VAV2: variants seen among roughly 807,000 people sequenced by gnomAD.
VAV2 encodes guanine nucleotide exchange factor VAV2.
In VAV2, 67 loss-of-function variants were observed where a neutral mutation model predicts 132.5. The ratio of observed to expected loss-of-function variants is 0.51; its 90% CI spans 0.42 to 0.62. The LOEUF (loss-of-function observed/expected upper bound fraction) is 0.62. VAV2 is among the 20% of genes least tolerant of loss of function. The pLI is 0.00. For missense variants in VAV2, 938 were observed against 1,153.6 expected (o/e 0.81, Z 2.71); for synonymous variants, 492 against 443.5 (o/e 1.11, Z -1.37).
At chr9:133,970,720 A>G (rs553878500) in intron 1 of VAV2, among the ~76,000 whole-genome samples, 12 of 152,228 alleles carry the variant, frequency 7.9e-5, no homozygotes, top group Admixed American at 2.0e-4. Context: ...GGCAGCAGAA[A>G]GCCTCGGGCC....
At chr9:133,873,426 G>A (rs1049362597) in intron 2 of VAV2, among the ~76,000 whole-genome samples, 1 of 152,200 alleles carries the variant, frequency 6.6e-6, no homozygotes, top group Non-Finnish European at 1.5e-5. Flanking sequence ...TCACGGTGGA[G>A]TCACTAGCTG....
chr9:133,886,674 G>A (rs780048871), intron 2 of VAV2, among the ~76,000 whole-genome samples: 3 of 152,144 alleles, frequency 2.0e-5, no homozygotes, highest in Non-Finnish European at 2.9e-5. Flanking sequence ...CCTGCTCCGC[G>A]GGGCACCTGC....
At chr9:133,791,540 TC>T (rs1834461536) in intron 13 of VAV2, among the ~76,000 whole-genome samples, 1 of 137,222 alleles carries the variant, frequency 7.3e-6, no homozygotes, top group African/African-American at 2.7e-5. Context: ...CCCCTCCCCG[TC>T]CCCCTCCCCC....
chr9:133,917,023 T>C (rs1840116475), intron 2 of VAV2, among the ~76,000 whole-genome samples: 1 of 152,154 alleles, frequency 6.6e-6, no homozygotes, highest in South Asian at 2.1e-4. Flanking sequence ...AGGTTGCCAC[T>C]CTCACGGGGT....
At chr9:133,783,391 C>G in intron 19 of VAV2, 112 bp downstream of exon 19, 1 of 1,014,754 alleles carries the variant, frequency 9.9e-7, no homozygotes, top group Non-Finnish European at 1.5e-6. Flanking sequence ...GTGCCCTCAT[C>G]TGGTCGCTGC....
intron 5 of VAV2, among the ~76,000 whole-genome samples, chr9:133,811,478 G>A (rs577577458): frequency 6.6e-6 from 1 of 152,358 alleles, no homozygotes; most frequent in South Asian, 2.1e-4. Flanking sequence ...GAGCCTGGGG[G>A]TCTGAGGGCC....
intron 2 of VAV2, among the ~76,000 whole-genome samples, chr9:133,910,019 C>A (rs2519793): frequency 1.3e-5 from 2 of 152,036 alleles, no homozygotes; most frequent in Admixed American, 6.6e-5. Context: ...CGAGCTATGC[C>A]AGGCCATGTG....
chr9:133,957,473 T>C (rs542675609), intron 1 of VAV2, among the ~76,000 whole-genome samples: 3 of 152,172 alleles, frequency 2.0e-5, no homozygotes, highest in Non-Finnish European at 4.4e-5. Flanking sequence ...GGGAATAATA[T>C]GGCATATTGC....
chr9:133,886,566 A>G (rs545864307), intron 2 of VAV2, among the ~76,000 whole-genome samples: 1 of 152,276 alleles, frequency 6.6e-6, no homozygotes, highest in South Asian at 2.1e-4. Context: ...AGTGAGGCCC[A>G]CGTGTTTGCG....
chr9:133,871,017 C>G (rs1838012452), intron 2 of VAV2, among the ~76,000 whole-genome samples: 1 of 112,530 alleles, frequency 8.9e-6, no homozygotes, highest in Non-Finnish European at 1.8e-5. Context: ...GGTGGGTGAA[C>G]AGATGGATGG....
rs1180818760 is a variant in VAV2 at position 133,969,242 on chromosome 9, C to T, written c.204+22833G>A. ...GCCTCTGCACCTGCTTCCCTCCTGC[C>T]GGATGAACTGCGGCTTCTCACGGCT... On this transcript the variant is annotated intron_variant, in intron 1 of 29. Transcript: ENST00000371850. This position sits in a 1 kb window ranked among gnomAD's most constrained non-coding sequence, Gnocchi z 5.1. 6.6e-6 allele frequency among the ~76,000 whole-genome samples: 1 copy of T among 150,776 alleles called. No individual in the cohort carries two copies. The highest frequency in any genetic ancestry group is 1.5e-5 in the Non-Finnish European group (1 of 68,028).
At chr9:133,942,284 G>A (rs769279582) in intron 1 of VAV2, among the ~76,000 whole-genome samples, 5 of 152,252 alleles carry the variant, frequency 3.3e-5, no homozygotes, top group African/African-American at 4.8e-5. Context: ...CACTCCAAGG[G>A]TGGCCACCGT....
intron 4 of VAV2, among the ~76,000 whole-genome samples, chr9:133,815,434 A>T (rs575889828): frequency 6.6e-6 from 1 of 152,190 alleles, no homozygotes; most frequent in African/African-American, 2.4e-5. Context: ...TTTTCATCTC[A>T]CCGGAGCTCC....
intron 1 of VAV2, among the ~76,000 whole-genome samples, chr9:133,954,434 T>G (rs968336505): frequency 6.6e-6 from 1 of 152,252 alleles, no homozygotes; most frequent in Non-Finnish European, 1.5e-5. Flanking sequence ...CTTTCTCGCC[T>G]GGTGCTGGAA....
chr9:133,784,518 T>C, intron 17 of VAV2, 100 bp from the exon 18 acceptor site: 1 of 1,322,794 alleles, frequency 7.6e-7, no homozygotes, highest in Non-Finnish European at 1.1e-6. Context: ...ACCCAGGCTG[T>C]GCAGAATCCG....
chr9:133,907,055 G>C (rs1192033109), intron 2 of VAV2, among the ~76,000 whole-genome samples: 1 of 152,146 alleles, frequency 6.6e-6, no homozygotes. Flanking sequence ...GGCGGGGGGA[G>C]GGACAAGGAC....
chr9:133,881,253 C>T (rs1017539254), intron 2 of VAV2, among the ~76,000 whole-genome samples: 9 of 152,256 alleles, frequency 5.9e-5, no homozygotes, highest in African/African-American at 1.4e-4. Context: ...ATGCGGCCTT[C>T]CCGCAGGCAT....
intron 4 of VAV2, among the ~76,000 whole-genome samples, chr9:133,825,871 A>G (rs1346912936): frequency 6.6e-6 from 1 of 152,240 alleles, no homozygotes; most frequent in Non-Finnish European, 1.5e-5. Context: ...GAAGACGTCC[A>G]AACCTCCTCG....
intron 1 of VAV2, among the ~76,000 whole-genome samples, chr9:133,957,396 G>A (rs636667): frequency 0.32 from 47,903 of 152,004 alleles, 8,497 homozygotes; most frequent in African/African-American, 0.48. Flanking sequence ...TTTTTCTGTC[G>A]TCTCTTGACT....
Sources: gnomAD v4.1 joint callset for allele counts (sites outside exome capture counted in the v4.1 genomes callset) on GRCh38, gnomAD v4.1.1 for gene constraint, Gnocchi (gnomAD v3.1) non-coding constraint, MANE v1.5 for transcripts, NCBI Gene and HGNC (gene_info 2026-07-23, HGNC 2026-07-21) for gene names.